The following RBFOX1 variants were observed in gnomAD, a reference collection of about 807,000 sequenced individuals.
RBFOX1 encodes the protein RNA binding protein fox-1 homolog 1.
Under a neutral mutation model 57.7 loss-of-function variants are expected in RBFOX1, and 8 were observed. The ratio of observed to expected loss-of-function variants is 0.14; its 90% confidence interval spans 0.08 to 0.25. The LOEUF is 0.25. Ranked by LOEUF, RBFOX1 falls within the 10% of genes least tolerant of loss-of-function variation. The pLI, the probability that RBFOX1 is intolerant of heterozygous loss-of-function variation, is 1.00. For missense variants in RBFOX1, 611 were observed against 548.5 expected, an observed-to-expected ratio of 1.11 and a Z score of -1.14; for synonymous variants, 326 against 222.4, an observed-to-expected ratio of 1.47 and a Z score of -4.15.
intron 1 of RBFOX1, among the ~76,000 whole-genome samples, chr16:6,296,138 T>C (rs1448523622): frequency 6.6e-6 from 1 of 152,196 alleles, no homozygotes; most frequent in Non-Finnish European, 1.5e-5. Context: ...TTGGGCACGG[T>C]TGGAAGGTCC....
chr16:6,855,436 G>C (rs1275365731), intron 3 of RBFOX1, among the ~76,000 whole-genome samples: 1 of 152,012 alleles, frequency 6.6e-6, no homozygotes, highest in Admixed American at 6.6e-5. Flanking sequence ...CGGATCATGA[G>C]GTCAGGAGAT....
chr16:7,193,614 A>G lies in RBFOX1; in HGVS notation c.27+141516A>G, dbSNP rs575594312. Among the ~76,000 whole-genome samples, 25 of 152,286 alleles carry G rather than the reference A, an allele frequency of 1.6e-4. No homozygotes were observed. In the South Asian group the frequency reaches 3.7e-3, roughly 23 times the overall value. On this transcript the variant is annotated intron_variant, in intron 4 of 15. Coordinates refer to ENST00000550418, the MANE Select transcript of RBFOX1 (RefSeq NM_018723.4). ...TCCTTGATCCAATGAGGCAGGTACTACATTGTGTATTCTGCTTTATAACTG... is the reference window on the plus strand; with the variant it reads ...TCCTTGATCCAATGAGGCAGGTACTGCATTGTGTATTCTGCTTTATAACTG...
intron 1 of RBFOX1, among the ~76,000 whole-genome samples, chr16:6,169,265 A>C (rs1247157826): frequency 1.3e-5 from 2 of 152,118 alleles, no homozygotes; most frequent in African/African-American, 4.8e-5. Context: ...GTTAAAGATA[A>C]AATGTGGCCT....
At chr16:5,943,974 C>G (rs913886366) in intron 4 of RBFOX1, among the ~76,000 whole-genome samples, 3 of 150,608 alleles carry the variant, frequency 2.0e-5, no homozygotes, top group African/African-American at 7.4e-5. Context: ...CACCCCCCCA[C>G]CCATCCATCT....
chr16:6,796,123 C>G (rs924725998), intron 3 of RBFOX1, among the ~76,000 whole-genome samples: 1 of 150,944 alleles, frequency 6.6e-6, no homozygotes, highest in African/African-American at 2.5e-5. Context: ...ACAGTCATGG[C>G]GGAAGGTGAA....
At chr16:7,025,514 G>T (rs1400551131) in intron 3 of RBFOX1, among the ~76,000 whole-genome samples, 1 of 152,152 alleles carries the variant, frequency 6.6e-6, no homozygotes, top group Non-Finnish European at 1.5e-5. Flanking sequence ...TATGGAAGAT[G>T]GAGTTGCTCT....
chr16:6,773,917 C>CG (rs2078888771), intron 3 of RBFOX1: 19 of 982,446 alleles, frequency 1.9e-5, no homozygotes, highest in Non-Finnish European at 2.3e-5. Flanking sequence ...ATTTGCGTTG[C>CG]GGGGGTGTGG....
intron 2 of RBFOX1, among the ~76,000 whole-genome samples, chr16:6,587,881 TACAG>T (rs2097652619): frequency 1.3e-5 from 2 of 152,198 alleles, no homozygotes; most frequent in Admixed American, 1.3e-4. Flanking sequence ...ATTTGAAAAT[TACAG>T]GCACCATGAA....
intron 2 of RBFOX1, among the ~76,000 whole-genome samples, chr16:6,587,376 G>A (rs985109535): frequency 1.3e-5 from 2 of 152,090 alleles, no homozygotes; most frequent in African/African-American, 4.8e-5. Context: ...TCGCCTCCCA[G>A]GATCAAGCAA....
chr16:6,359,129 G>C (rs764264999), intron 2 of RBFOX1, among the ~76,000 whole-genome samples: 2 of 152,096 alleles, frequency 1.3e-5, no homozygotes, highest in Non-Finnish European at 2.9e-5. Flanking sequence ...GTCTAGCTCT[G>C]TCACCCAGGC....
rs369319293 is a variant in RBFOX1 at position 6,332,125 on chromosome 16, C to A, written c.-64+15068C>A. Among the ~76,000 whole-genome samples, 4 of 152,246 alleles carry A rather than the reference C, an allele frequency of 2.6e-5. No homozygotes were observed. In the East Asian group the frequency reaches 7.7e-4, roughly 29 times the overall value. Reference sequence around the variant, plus strand: ...AAATGGAAGACGAATGAAGAAAGTGCTAATATGTGGATGCCTGGGAGAAGG... The same window carrying A: ...AAATGGAAGACGAATGAAGAAAGTGATAATATGTGGATGCCTGGGAGAAGG... On this transcript the variant is annotated intron_variant, in intron 2 of 15. Coordinates refer to ENST00000550418, the MANE Select transcript of RBFOX1 (RefSeq NM_018723.4).
intron 1 of RBFOX1, among the ~76,000 whole-genome samples, chr16:6,231,094 GC>G (rs1344682695): frequency 6.6e-6 from 1 of 152,142 alleles, no homozygotes; most frequent in African/African-American, 2.4e-5. Context: ...GGGTAAGTTG[GC>G]CAGGAAAGGT....
intron 2 of RBFOX1, among the ~76,000 whole-genome samples, chr16:6,339,273 C>A (rs1245334440): frequency 3.3e-5 from 5 of 152,204 alleles, no homozygotes; most frequent in Non-Finnish European, 5.9e-5. Context: ...AAATGCCAAG[C>A]AACCCAACCT....
At chr16:6,330,852 G>C (rs912019491) in intron 2 of RBFOX1, among the ~76,000 whole-genome samples, 1 of 152,210 alleles carries the variant, frequency 6.6e-6, no homozygotes, top group African/African-American at 2.4e-5. Flanking sequence ...TTTAAGTGGA[G>C]ACATTCTAGG....
intron 1 of RBFOX1, among the ~76,000 whole-genome samples, chr16:5,254,878 A>G (rs1467674220): frequency 6.6e-6 from 1 of 152,180 alleles, no homozygotes; most frequent in Non-Finnish European, 1.5e-5. Flanking sequence ...GGTGGAGCGA[A>G]GAGGGTGAGC....
chr16:7,308,647 C>G (rs191084665), intron 4 of RBFOX1, among the ~76,000 whole-genome samples: 20 of 152,294 alleles, frequency 1.3e-4, no homozygotes, highest in Admixed American at 1.3e-3. Context: ...AGCCATTGCT[C>G]ACTGTGGACA....
chr16:6,304,983 A>C (rs1294863927), intron 1 of RBFOX1, among the ~76,000 whole-genome samples: 2 of 152,070 alleles, frequency 1.3e-5, no homozygotes, highest in Non-Finnish European at 2.9e-5. Context: ...AACTAGTGAG[A>C]TGATGGATAA....
intron 4 of RBFOX1, among the ~76,000 whole-genome samples, chr16:5,973,871 G>A (rs2060010502): frequency 6.6e-6 from 1 of 152,146 alleles, no homozygotes; most frequent in Non-Finnish European, 1.5e-5. Context: ...TGAATCTCCT[G>A]TACCTTAAAC....
chr16:5,926,102 T>C (rs562792423), intron 4 of RBFOX1, among the ~76,000 whole-genome samples: 1 of 152,278 alleles, frequency 6.6e-6, no homozygotes, highest in East Asian at 1.9e-4. Context: ...TATGTAAATA[T>C]CAGGCCATTC....
Sources: gnomAD v4.1 joint callset for allele counts (sites outside exome capture counted in the v4.1 genomes callset) on GRCh38, gnomAD v4.1.1 for gene constraint, MANE v1.5 for transcripts, NCBI Gene and HGNC (gene_info 2026-07-23, HGNC 2026-07-21) for gene names.